The following MYO1C variants were observed in gnomAD, a reference collection of about 807,000 sequenced individuals.
The protein encoded by MYO1C is myosin IC.
In MYO1C, 104 loss-of-function variants were observed where a neutral mutation model predicts 150.8. The ratio of observed to expected loss-of-function variants is 0.69; its 90% CI spans 0.59 to 0.81. The LOEUF is 0.81. MYO1C is among the 30% of genes least tolerant of loss of function. The pLI is 0.00. For synonymous variants in MYO1C, 663 were observed against 579.9 expected (o/e 1.14, Z -2.06); for missense variants, 1,504 against 1,435.0 (o/e 1.05, Z -0.78).
At chr17:1,469,342 G>GGGTAAATACGGTAGGCA (rs2074248213) in intron 25 of MYO1C, 189 bp downstream of exon 25, 5 of 621,680 alleles carry the variant, frequency 8.0e-6, no homozygotes, top group Admixed American at 4.5e-5. Context: ...TACGGTAGGC[G>GGGTAAATACGGTAGGCA]GGGTAAATAC....
rs557106289 is a variant in MYO1C, at chr17:1,464,815, CTTT to C, written c.*908_*910del. The C allele has an allele frequency of 1.2e-4, 17 of 144,106 alleles. No homozygotes were observed. Among genetic ancestry groups the C allele is most frequent in the African/African-American group, 3.4e-4 (13 of 38,790 alleles). 8.9% of individuals were successfully genotyped at this position (144,106 alleles called of 1,614,324 possible). ...ATGATGAGGACAGTAAAAGGGCGTT[CTTT>C]TTTTTTTTTTTTAAGACGGAGTCTC... is the stretch of plus-strand genomic sequence containing the variant. On this transcript the variant is annotated 3_prime_UTR_variant, in exon 32 of 32. Transcript: ENST00000648651.
intron 1 of MYO1C, chr17:1,485,174 G>A: frequency 8.4e-7 from 1 of 1,192,028 alleles, no homozygotes; most frequent in Non-Finnish European, 1.1e-6. Flanking sequence ...GGGTGGTGCA[G>A]GCTGAGCAAG....
chr17:1,478,338 G>A lies in MYO1C; in HGVS notation c.1295+72C>T. On this transcript the variant is annotated intron_variant, in intron 11 of 31. Transcript: ENST00000648651. The surrounding 1 kb of genome is among the most constrained non-coding windows in gnomAD (Gnocchi z 6.3). ...CTGGGGAGTCACAGGGCAGGAATGAGAGGCTGGAGGACAGAAGAGAGGGAG... is the reference window on the plus strand; with the variant it reads ...CTGGGGAGTCACAGGGCAGGAATGAAAGGCTGGAGGACAGAAGAGAGGGAG... The A allele has an allele frequency of 1.9e-6, 3 of 1,594,854 alleles. No individual in the cohort carries two copies. The highest frequency in any genetic ancestry group is 2.6e-6 in the Non-Finnish European group (3 of 1,162,624).
intron 5 of MYO1C, among the ~76,000 whole-genome samples, chr17:1,482,043 C>A (rs767368393): frequency 1.3e-5 from 2 of 151,904 alleles, no homozygotes; most frequent in African/African-American, 2.4e-5. Flanking sequence ...CTCCATCAAG[C>A]CATTATTTTC....
At chr17:1,484,873 C>CT in intron 1 of MYO1C, 4 of 206,022 alleles carry the variant, frequency 1.9e-5, no homozygotes, top group Non-Finnish European at 3.7e-5. Context: ...GGCCGTCTCT[C>CT]CCACCCAGAC....
rs367629083 is a variant in MYO1C, at chr17:1,479,549, C to T, written c.1020+43G>A. On this transcript the variant is annotated intron_variant, in intron 8 of 31. Coordinates refer to ENST00000648651, the MANE Select transcript of MYO1C (RefSeq NM_001080779.2). The surrounding 1 kb of genome is among the most constrained non-coding windows in gnomAD (Gnocchi z 4.2). ...ACGGTGAGGGTGCACCCCCAGCCCC[C>T]GCCCCCGCCGTCCTCCCGTCGCCCT... 18 of 1,403,364 alleles carry T rather than the reference C, an allele frequency of 1.3e-5. No homozygotes were observed. The East Asian group carries it at 1.7e-4, about 13-fold the overall frequency. 86.9% of individuals were successfully genotyped at this position (1,403,364 alleles called of 1,614,324 possible).
chr17:1,472,159 C>G lies in MYO1C; in HGVS notation c.1867G>C (p.Val623Leu), dbSNP rs766200110. The G allele has an allele frequency of 6.2e-6, 10 of 1,614,002 alleles. No individual in the cohort carries two copies. The highest frequency in any genetic ancestry group is 8.5e-6 in the Non-Finnish European group (10 of 1,180,020). The change falls in exon 18 of 32, where the codon GTC becomes CTC. Residue 623 changes from valine to leucine, a missense_variant. By Grantham distance (32) the Val-to-Leu change is conservative (BLOSUM62 1). Transcript: ENST00000648651. Reference protein sequence around the residue: ...EILQSKEPAYVRCIKPNDAKQ... With the variant: ...EILQSKEPAYLRCIKPNDAKQ... ...GCATCATTGGGTTTGATGCAGCGGA[C>G]GTAGGCGGGCTCCTTAGACTGCAGG...
At chr17:1,485,624 C>G in intron 1 of MYO1C, 9 of 1,120,444 alleles carry the variant, frequency 8.0e-6, no homozygotes, top group Non-Finnish European at 1.0e-5. Flanking sequence ...CTGGCGAGGC[C>G]GAGGCGACGC....
rs765038992 is a variant in MYO1C, at chr17:1,467,514, T to G, written c.3031A>C (p.Asn1011His). The change falls in exon 30 of 32, where the codon AAC becomes CAC. Residue 1011 changes from asparagine to histidine, a missense_variant. By Grantham distance (68) the Asn-to-His change is moderately conservative (BLOSUM62 1). Transcript: ENST00000648651. ...TTGATGTTGATGCTGTTCACGCGGT[T>G]GGCACTGAGGGCTGTCTTGGTCAGC... ...ETLTKTALSA[N>H]RVNSININQG... 1.9e-6 allele frequency: 3 copies of G among 1,613,408 alleles called. No homozygotes were observed. In the African/African-American group the frequency reaches 4.0e-5, roughly 22 times the overall value.
intron 1 of MYO1C, among the ~76,000 whole-genome samples, chr17:1,486,405 C>T (rs2074656296): frequency 6.6e-6 from 1 of 152,150 alleles, no homozygotes. Flanking sequence ...CTCAGTTCCC[C>T]CTCTGGGAAA....
rs547845771 is a variant in MYO1C at position 1,492,267 on chromosome 17, C to G, written c.75+146G>C. On this transcript the variant is annotated intron_variant, in intron 1 of 31. Transcript: ENST00000648651. ...TGCATCCTTACTCTTCCACTCACCC[C>G]GTCTTGTTCAGTCTGTTCTGGCCCC... 2,069 of 773,796 alleles carry G rather than the reference C, an allele frequency of 2.7e-3. 57 individuals carry two copies. In the South Asian group the frequency reaches 0.031, roughly 12 times the overall value. The allele number at this position is 773,796 out of a possible 1,614,324, so 47.9% of individuals were successfully genotyped here. A position where few individuals can be genotyped will look rare whatever the true frequency, so the allele number is the denominator to read the frequency against.
At position 1,479,140 on chromosome 17, in the gene MYO1C, G is replaced by A. The variant is rs934189106; in HGVS notation, c.1092+291C>T. ...CTCCCGAGTAGCTGGGATTACAGGC[G>A]CCCGCCACCATGCCCGGCTAATTTT... On this transcript the variant is annotated intron_variant, in intron 9 of 31. Coordinates refer to ENST00000648651, the MANE Select transcript of MYO1C (RefSeq NM_001080779.2). The surrounding 1 kb of genome is among the most constrained non-coding windows in gnomAD (Gnocchi z 4.2). Among the ~76,000 whole-genome samples the A allele has an allele frequency of 5.3e-5, 8 of 152,120 alleles. No homozygotes were observed. The highest frequency in any genetic ancestry group is 4.1e-4 in the South Asian group (2 of 4,826).
intron 3 of MYO1C, 146 bp from the exon 4 acceptor site, chr17:1,483,205 G>C: frequency 1.2e-6 from 1 of 802,888 alleles, no homozygotes; most frequent in Non-Finnish European, 1.9e-6. Context: ...ACAGGTGTGG[G>C]CCATGGGAGA....
In MYO1C at chr17:1,470,165, G is replaced by A. The variant is rs775517035; in HGVS notation, c.2526+10C>T. The A allele has an allele frequency of 1.2e-6, 2 of 1,604,556 alleles. No individual in the cohort carries two copies. The highest frequency in any genetic ancestry group is 2.2e-5 in the South Asian group (2 of 90,132). On this transcript the variant is annotated intron_variant, in intron 24 of 31. Coordinates refer to ENST00000648651, the MANE Select transcript of MYO1C (RefSeq NM_001080779.2). The stretch of plus-strand genomic sequence containing the variant: ...GATGGTCCCTAACTTGGCAGGGGGT[G>A]CCCACAGACCTCACGCAGGGCAGGT...
Position 1,468,252 on chromosome 17 carries a change from C to T in MYO1C, c.2760+1G>A. 6.2e-7 allele frequency: 1 copy of T among 1,613,512 alleles called. No individual in the cohort carries two copies. Among genetic ancestry groups the T allele is most frequent in the South Asian group, 1.1e-5 (1 of 91,076 alleles). The stretch of plus-strand genomic sequence containing the variant: ...ACTCAGGGCTGCAGGCAGGCTCTTA[C>T]CTGAATGGGCTCAGAGCCCAAGGCC... On this transcript the variant is annotated splice_donor_variant, in intron 27 of 31. Coordinates refer to ENST00000648651, the MANE Select transcript of MYO1C (RefSeq NM_001080779.2). LOFTEE classifies it high-confidence loss of function.
intron 14 of MYO1C, among the ~76,000 whole-genome samples, chr17:1,476,497 A>C (rs1444993630): frequency 6.6e-6 from 1 of 152,126 alleles, no homozygotes; most frequent in African/African-American, 2.4e-5. Context: ...TCAATATATT[A>C]TTATGCAAAA....
intron 29 of MYO1C, 33 bp downstream of exon 29, chr17:1,467,807 C>G (rs554627947): frequency 2.4e-6 from 3 of 1,249,242 alleles, no homozygotes; most frequent in South Asian, 2.6e-5. Flanking sequence ...CTCCCCCATC[C>G]CCCACCACTC....
intron 7 of MYO1C, 51 bp downstream of exon 7, chr17:1,480,476 G>T: frequency 6.9e-7 from 1 of 1,456,728 alleles, no homozygotes; most frequent in African/African-American, 1.4e-5. Context: ...AAAAAAAGGA[G>T]ATTTTGGGGG....
chr17:1,468,073 G>A lies in MYO1C; in HGVS notation c.2811C>T (p.Ser937=), dbSNP rs2074217395. Residue 937 remains serine, a synonymous_variant, in exon 28 of 32, where the codon TCC becomes TCT. Coordinates refer to ENST00000648651, the MANE Select transcript of MYO1C (RefSeq NM_001080779.2). ...CGTTGGGCGTGAGCAGCAGCTGCCG[G>A]GAGCGAGGCTTGTAGCCCTTGCGGT... The part of the protein sequence containing the change: ...KYDRKGYKPR[S]RQLLLTPNAV... 6.2e-7 allele frequency: 1 copy of A among 1,613,504 alleles called. No homozygotes were observed. Among genetic ancestry groups the A allele is most frequent in the Non-Finnish European group, 8.5e-7 (1 of 1,179,962 alleles).
Sources: gnomAD v4.1 joint callset for allele counts (sites outside exome capture counted in the v4.1 genomes callset) on GRCh38, gnomAD v4.1.1 for gene constraint, Gnocchi (gnomAD v3.1) non-coding constraint, MANE v1.5 for transcripts, NCBI Gene and HGNC (gene_info 2026-07-23, HGNC 2026-07-21) for gene names.